The following IL17B variants were observed in gnomAD, a reference collection of about 807,000 sequenced individuals.
IL17B encodes interleukin-17B.
Under a neutral mutation model 14.7 loss-of-function variants are expected in IL17B, and 14 were observed. The ratio of observed to expected loss-of-function variants is 0.95; its 90% CI spans 0.63 to 1.49. The LOEUF (loss-of-function observed/expected upper bound fraction) is 1.49, where lower values mean the gene tolerates loss of function less well. IL17B is among the 40% of genes most tolerant of loss of function. IL17B has a pLI of 0.00. For synonymous variants in IL17B, 105 were observed against 94.8 expected, an observed-to-expected ratio of 1.11 and a Z score of -0.62; for missense variants, 233 against 252.8, an observed-to-expected ratio of 0.92 and a Z score of 0.53.
At chr5:149,389,540 G>C (rs1237678454) in intron 1 of IL17B, among the ~76,000 whole-genome samples, 1 of 152,220 alleles carries the variant, frequency 6.6e-6, no homozygotes, top group Admixed American at 6.5e-5. Context: ...TCAGAGTTGG[G>C]ACCAGAATCT....
chr5:149,379,839 C>G (rs575481738), upstream of IL17B, among the ~76,000 whole-genome samples: 1 of 152,314 alleles, frequency 6.6e-6, no homozygotes, highest in African/African-American at 2.4e-5. Context: ...GGACTTGTCA[C>G]TATTAACAGT....
At chr5:149,376,196 T>C (rs1328714584) in intron 2 of IL17B, among the ~76,000 whole-genome samples, 1 of 152,184 alleles carries the variant, frequency 6.6e-6, no homozygotes, top group African/African-American at 2.4e-5. Flanking sequence ...TCCAGGGCAA[T>C]GGGTCTTGAT....
chr5:149,393,781 A>G lies in IL17B; in HGVS notation n.95+10327T>C, dbSNP rs141483593. On this transcript the variant is annotated intron_variant and non_coding_transcript_variant, in intron 1 of 2. Coordinates refer to the IL17B transcript ENST00000505432. ...TGGATCCAGCCATACCTAAAGCTGA[A>G]CTACCCGTGGACTTTTCAGTCACAT... Among the ~76,000 whole-genome samples the G allele has an allele frequency of 4.1e-3, 618 of 152,216 alleles. 1 individual carries two copies. Among genetic ancestry groups the G allele is most frequent in the Non-Finnish European group, 6.9e-3 (470 of 68,022 alleles).
intron 1 of IL17B, among the ~76,000 whole-genome samples, chr5:149,403,705 C>T (rs6861564): frequency 0.57 from 87,016 of 151,964 alleles, 25,552 homozygotes; most frequent in East Asian, 0.85. Flanking sequence ...TGAAGTGAAG[C>T]CCATACGATC....
chr5:149,391,585 T>A (rs62380280), intron 1 of IL17B, among the ~76,000 whole-genome samples: 5,278 of 152,268 alleles, frequency 0.035, 151 homozygotes, highest in African/African-American at 0.08. Flanking sequence ...GGCTCCTGAT[T>A]TGGGCTCCTG....
upstream of IL17B, among the ~76,000 whole-genome samples, chr5:149,381,667 A>G (rs999312691): frequency 2.6e-5 from 4 of 152,236 alleles, no homozygotes; most frequent in African/African-American, 9.6e-5. Context: ...GTGAGGAGTC[A>G]GGCATGGGCC....
intron 1 of IL17B, among the ~76,000 whole-genome samples, chr5:149,398,957 T>C (rs568852635): frequency 2.0e-5 from 3 of 152,176 alleles, no homozygotes; most frequent in African/African-American, 7.2e-5. Context: ...CTCACAATCA[T>C]GGCAGAAGGT....
upstream of IL17B, among the ~76,000 whole-genome samples, chr5:149,381,624 G>A (rs1238083469): frequency 6.6e-6 from 1 of 152,250 alleles, no homozygotes; most frequent in Non-Finnish European, 1.5e-5. Flanking sequence ...TTCACAGTGG[G>A]GAGGGGAGCT....
Position 149,390,591 on chromosome 5 carries a change from A to G in IL17B, n.95+13517T>C, listed in dbSNP as rs1014511895. 6.7e-4 allele frequency among the ~76,000 whole-genome samples: 64 copies of G among 95,056 alleles called. 1 individual carries two copies. Among genetic ancestry groups the G allele is most frequent in the African/African-American group, 2.1e-3 (50 of 23,672 alleles). The allele number at this position is 95,056 out of a possible 152,430, so 62.4% of individuals were successfully genotyped here. ...AGCACCTCCATCCCTGAGTTAGCAC[A>G]CACACACACACACACACACACACAC... On this transcript the variant is annotated intron_variant and non_coding_transcript_variant, in intron 1 of 2. Coordinates refer to the IL17B transcript ENST00000505432.
chr5:149,385,147 A>C (rs62378150), intron 1 of IL17B, among the ~76,000 whole-genome samples: 75,556 of 151,394 alleles, frequency 0.5, 19,219 homozygotes, highest in African/African-American at 0.57. Flanking sequence ...TTCCTGACCT[A>C]GAGTTCGACA....
chr5:149,385,985 C>T (rs1453633096), intron 1 of IL17B, among the ~76,000 whole-genome samples: 3 of 152,178 alleles, frequency 2.0e-5, no homozygotes, highest in African/African-American at 7.2e-5. Context: ...GGCAGGGGCT[C>T]ATGGGTGGGG....
chr5:149,391,997 G>T (rs1349480242), intron 1 of IL17B, among the ~76,000 whole-genome samples: 1 of 152,086 alleles, frequency 6.6e-6, no homozygotes, highest in Non-Finnish European at 1.5e-5. Flanking sequence ...CTCTCTCCCA[G>T]GCTGCCTGGA....
At chr5:149,382,003 C>G (rs1758710698), upstream of IL17B, among the ~76,000 whole-genome samples, 1 of 152,234 alleles carries the variant, frequency 6.6e-6, no homozygotes, top group African/African-American at 2.4e-5. Context: ...TGGCCGCGGT[C>G]TCGCTCAGAG....
chr5:149,385,514 C>T (rs550724260), intron 1 of IL17B, among the ~76,000 whole-genome samples: 2 of 152,362 alleles, frequency 1.3e-5, no homozygotes, highest in East Asian at 3.9e-4. Flanking sequence ...CCTCAGGCCC[C>T]CATGTGGGGC....
intron 1 of IL17B, among the ~76,000 whole-genome samples, chr5:149,395,607 TA>T: frequency 6.6e-6 from 1 of 152,264 alleles, no homozygotes; most frequent in South Asian, 2.1e-4. Context: ...GAAACGCTCC[TA>T]AAATGTCATC....
At chr5:149,402,574 C>T (rs1379028942) in intron 1 of IL17B, among the ~76,000 whole-genome samples, 1 of 151,886 alleles carries the variant, frequency 6.6e-6, no homozygotes, top group African/African-American at 2.4e-5. Flanking sequence ...ACAAATTCAA[C>T]CTCCAGCAGG....
At chr5:149,385,921 C>T (rs546199204) in intron 1 of IL17B, among the ~76,000 whole-genome samples, 2 of 152,322 alleles carry the variant, frequency 1.3e-5, no homozygotes, top group Admixed American at 6.5e-5. Context: ...GAGAAGAAAA[C>T]GTCAACATCT....
intron 1 of IL17B, among the ~76,000 whole-genome samples, chr5:149,387,672 G>A (rs1265369104): frequency 2.0e-5 from 3 of 151,394 alleles, no homozygotes; most frequent in Non-Finnish European, 4.4e-5. Flanking sequence ...TACTCAGGAG[G>A]CTGAGAGGCG....
intron 1 of IL17B, among the ~76,000 whole-genome samples, chr5:149,384,909 CTTT>C (rs531690396): frequency 6.8e-5 from 9 of 131,758 alleles, no homozygotes; most frequent in South Asian, 2.4e-4. Context: ...GGTTGTTGAG[CTTT>C]TTTTTTTTTT....
Sources: allele counts gnomAD v4.1 joint callset (sites outside exome capture counted in the v4.1 genomes callset), GRCh38; gene constraint gnomAD v4.1.1; transcripts MANE v1.5; gene names NCBI Gene and HGNC (gene_info 2026-07-23, HGNC 2026-07-21).